The following DDB2 variants were observed in gnomAD, a reference collection of about 807,000 sequenced individuals.
DDB2 encodes damage specific DNA binding protein 2, also known as DNA damage-binding protein 2.
A neutral mutation model predicts 50.5 loss-of-function variants in DDB2; 27 were observed. The observed-to-expected ratio is 0.53, with a 90% CI of 0.39 to 0.74. The LOEUF (loss-of-function observed/expected upper bound fraction) is 0.74, where lower values mean the gene tolerates loss of function less well. Ranked by LOEUF, DDB2 falls within the 30% of genes least tolerant of loss-of-function variation. The pLI is 0.00. For missense variants in DDB2, 424 were observed against 545.6 expected (o/e 0.78, Z 2.22); for synonymous variants, 176 against 205.5 (o/e 0.86, Z 1.23).
At chr11:47,223,241 T>C (rs983830906) in intron 3 of DDB2, among the ~76,000 whole-genome samples, 4 of 152,250 alleles carry the variant, frequency 2.6e-5, no homozygotes, top group African/African-American at 7.2e-5. Flanking sequence ...TCCCAGCATT[T>C]TGGGGGGCCA....
chr11:47,233,909 A>G (rs1953686383), intron 4 of DDB2, among the ~76,000 whole-genome samples: 1 of 152,046 alleles, frequency 6.6e-6, no homozygotes, highest in Non-Finnish European at 1.5e-5. Flanking sequence ...GCTCCAGGCT[A>G]CTCTTCCGCA....
chr11:47,237,796 G>T (rs1249699959), intron 7 of DDB2, 41 bp from the exon 8 acceptor site: 1 of 1,606,124 alleles, frequency 6.2e-7, no homozygotes, highest in South Asian at 1.1e-5. Context: ...CCTTGATCAT[G>T]TTCTGTGTTT....
At chr11:47,235,496 A>ACCACATCAGCCCT in intron 7 of DDB2, 84 bp downstream of exon 7, 1 of 1,478,632 alleles carries the variant, frequency 6.8e-7, no homozygotes, top group East Asian at 2.4e-5. Flanking sequence ...GGAAGGGCTG[A>ACCACATCAGCCCT]TGTGGTAAGC....
Position 47,232,821 on chromosome 11 carries a change from C to T in DDB2, c.464C>T (p.Ala155Val). The T allele has an allele frequency of 1.2e-6, 2 of 1,613,632 alleles. No homozygotes were observed. Among genetic ancestry groups the T allele is most frequent in the Non-Finnish European group, 1.7e-6 (2 of 1,180,006 alleles). The change falls in exon 4 of 10, where the codon GCT becomes GTT. Residue 155 changes from alanine (A) to valine (V), a missense_variant. Ala to Val is a moderately conservative substitution (Grantham distance 64). Transcript: ENST00000256996. ...DKPTFIKGIG[A>V]GGSITGLKFN... Reference sequence around the variant, plus strand: ...TTTCCTTCCTCGTGTTAGATTGGAGCTGGAGGGAGCATCACTGGGCTGAAG... The same window carrying T: ...TTTCCTTCCTCGTGTTAGATTGGAGTTGGAGGGAGCATCACTGGGCTGAAG...
intron 3 of DDB2, chr11:47,217,370 C>A: frequency 6.1e-6 from 1 of 163,690 alleles, no homozygotes; most frequent in South Asian, 1.6e-4. Context: ...GAGTGAAACT[C>A]CATCTCAAAA....
At chr11:47,235,179 A>G (rs1338396332) in intron 6 of DDB2, 91 bp from the exon 7 acceptor site, 3 of 1,550,926 alleles carry the variant, frequency 1.9e-6, no homozygotes, top group Non-Finnish European at 2.7e-6. Context: ...GAGGAGTGGG[A>G]GGGAGAGTAC....
Position 47,217,067 on chromosome 11 carries a change from C to T in DDB2, c.456+18C>T. 1 of 1,608,236 alleles carries T rather than the reference C, an allele frequency of 6.2e-7. No individual in the cohort carries two copies. The highest frequency in any genetic ancestry group is 8.5e-7 in the Non-Finnish European group (1 of 1,175,012). On this transcript the variant is annotated intron_variant, in intron 3 of 9. Coordinates refer to ENST00000256996, the MANE Select transcript of DDB2 (RefSeq NM_000107.3). ...TCAAAGGGGTGAGCAGTTCCCCATGCCAGGTCGTGCTAAAGAAGTGTTTGT... is the reference window on the plus strand; with the variant it reads ...TCAAAGGGGTGAGCAGTTCCCCATGTCAGGTCGTGCTAAAGAAGTGTTTGT...
intron 4 of DDB2, among the ~76,000 whole-genome samples, chr11:47,233,826 T>C (rs889889670): frequency 6.6e-6 from 1 of 152,140 alleles, no homozygotes; most frequent in African/African-American, 2.4e-5. Flanking sequence ...TAGCATTGGA[T>C]TGGATCCTGG....
chr11:47,223,848 TA>T (rs1953520933), intron 3 of DDB2, among the ~76,000 whole-genome samples: 1 of 152,160 alleles, frequency 6.6e-6, no homozygotes, highest in South Asian at 2.1e-4. Flanking sequence ...TTCATGCCTG[TA>T]ATCTCAACAC....
Position 47,216,854 on chromosome 11 carries a change from G to A in DDB2, c.265-4G>A, listed in dbSNP as rs761316617. 4 of 1,613,982 alleles carry A rather than the reference G, an allele frequency of 2.5e-6. No individual in the cohort carries two copies. In the South Asian group the frequency reaches 4.4e-5, roughly 18 times the overall value. ...TCAACCTAATTCATTTCTCTCTGTGGCAGGGGCTCCAGCAGTCCTTTTTGC... is the reference window on the plus strand; with the variant it reads ...TCAACCTAATTCATTTCTCTCTGTGACAGGGGCTCCAGCAGTCCTTTTTGC... On this transcript the variant is annotated splice_region_variant and splice_polypyrimidine_tract_variant and intron_variant, in intron 2 of 9. Coordinates refer to ENST00000256996, the MANE Select transcript of DDB2 (RefSeq NM_000107.3).
chr11:47,233,377 T>C (rs1254987900), intron 4 of DDB2: 1 of 261,096 alleles, frequency 3.8e-6, no homozygotes, highest in African/African-American at 2.2e-5. Context: ...TTCCATAAAG[T>C]GCTCTGGACT....
intron 2 of DDB2, 136 bp downstream of exon 2, chr11:47,216,608 A>G: frequency 7.5e-7 from 1 of 1,327,324 alleles, no homozygotes; most frequent in South Asian, 1.2e-5. Flanking sequence ...TGACTGGCCT[A>G]CTGGGCACTC....
chr11:47,221,687 C>T (rs1953486923), intron 3 of DDB2: 1 of 152,254 alleles, frequency 6.6e-6, no homozygotes, highest in Non-Finnish European at 1.5e-5. Context: ...TAAGGTGATC[C>T]ACCTGCCTTG....
At chr11:47,218,202 A>G (rs1429687639) in intron 3 of DDB2, among the ~76,000 whole-genome samples, 1 of 152,074 alleles carries the variant, frequency 6.6e-6, no homozygotes, top group Non-Finnish European at 1.5e-5. Context: ...CCAAGTGTTG[A>G]TGGGTGTCTG....
At chr11:47,225,023 T>G (rs763404900) in intron 3 of DDB2, among the ~76,000 whole-genome samples, 1 of 152,020 alleles carries the variant, frequency 6.6e-6, no homozygotes, top group Non-Finnish European at 1.5e-5. Context: ...CACTGCAACC[T>G]CCACCTCCCA....
At chr11:47,219,692 A>C (rs1953454140) in intron 3 of DDB2, among the ~76,000 whole-genome samples, 2 of 152,026 alleles carry the variant, frequency 1.3e-5, no homozygotes, top group East Asian at 3.9e-4. Context: ...AACTAAACAC[A>C]CGTCTCAGCC....
At position 47,225,248 on chromosome 11, in the gene DDB2, T is replaced by C. The variant is rs1590993851; in HGVS notation, c.457-7566T>C. On this transcript the variant is annotated intron_variant, in intron 3 of 9. Coordinates refer to ENST00000256996, the MANE Select transcript of DDB2 (RefSeq NM_000107.3). ...AGACACTGCTCCTGGCCCGATCCTG[T>C]GTCTTTAAAAAAAAAAAAAAAAACT... Among the ~76,000 whole-genome samples the C allele has an allele frequency of 6.4e-5, 6 of 93,682 alleles. No individual in the cohort carries two copies. In the East Asian group the frequency reaches 1.3e-3, roughly 21 times the overall value. 61.5% of individuals were successfully genotyped at this position (93,682 alleles called of 152,430 possible).
intron 2 of DDB2, 92 bp from the exon 3 acceptor site, chr11:47,216,766 G>T: frequency 7.5e-7 from 1 of 1,332,024 alleles, no homozygotes; most frequent in Admixed American, 1.7e-5. Flanking sequence ...GGAGGACTTG[G>T]ATCTAGGGCT....
intron 3 of DDB2, among the ~76,000 whole-genome samples, chr11:47,228,977 A>ATATCTCTCTATC (rs1554974379): frequency 2.4e-5 from 3 of 124,660 alleles, no homozygotes; most frequent in Non-Finnish European, 4.9e-5. Flanking sequence ...AAAAAAAGAA[A>ATATCTCTCTATC]TATCTATCTA....
Sources: gnomAD v4.1 joint callset for allele counts (sites outside exome capture counted in the v4.1 genomes callset) on GRCh38, gnomAD v4.1.1 for gene constraint, MANE v1.5 for transcripts, NCBI Gene and HGNC (gene_info 2026-07-23, HGNC 2026-07-21) for gene names.